The following MMP26 variants were observed in gnomAD, a reference collection of about 807,000 sequenced individuals.
The protein encoded by MMP26 is matrix metallopeptidase 26.
A neutral mutation model predicts 31.0 loss-of-function variants in MMP26; 33 were observed. The ratio of observed to expected loss-of-function variants is 1.06; its 90% CI spans 0.81 to 1.42. The LOEUF (loss-of-function observed/expected upper bound fraction) is 1.42. Among genes scored for constraint, MMP26 ranks in the 40% most tolerant of loss-of-function variants. The pLI is 0.00. For synonymous variants in MMP26, 122 were observed against 114.9 expected (o/e 1.06, Z -0.40); for missense variants, 347 against 316.1 (o/e 1.10, Z -0.74).
intron 2 of MMP26, chr11:4,848,676 A>C (rs7117260): frequency 0.59 from 956,966 of 1,613,648 alleles, 294,163 homozygotes; most frequent in Middle Eastern, 0.71. Flanking sequence ...GACCTGTGGG[A>C]GGCAGTAGGG....
At chr11:4,821,812 C>G in intron 2 of MMP26, 1 of 1,612,826 alleles carries the variant, frequency 6.2e-7, no homozygotes, top group Non-Finnish European at 8.5e-7. Flanking sequence ...CATCTGTTAC[C>G]CACTGAGATA....
chr11:4,912,954 A>G (rs1203322918), intron 2 of MMP26: 1 of 148,782 alleles, frequency 6.7e-6, no homozygotes, highest in Non-Finnish European at 1.5e-5. Context: ...GAAAAGAAAA[A>G]AAAAACAAGC....
At chr11:4,742,006 C>T (rs1848318320) in intron 1 of MMP26, among the ~76,000 whole-genome samples, 1 of 152,140 alleles carries the variant, frequency 6.6e-6, no homozygotes, top group Non-Finnish European at 1.5e-5. Context: ...AAACTAGAGC[C>T]AGCAAGAGGG....
intron 2 of MMP26, chr11:4,822,066 C>T: frequency 6.2e-7 from 1 of 1,613,654 alleles, no homozygotes; most frequent in Non-Finnish European, 8.5e-7. Context: ...ACTGCCCTTG[C>T]ATCCTGCTCT....
At chr11:4,799,963 G>A (rs1849159544) in intron 2 of MMP26, among the ~76,000 whole-genome samples, 1 of 152,214 alleles carries the variant, frequency 6.6e-6, no homozygotes, top group South Asian at 2.1e-4. Flanking sequence ...GTCCACCCCT[G>A]TAGCTTTGCA....
intron 2 of MMP26, chr11:4,804,728 T>C (rs578123866): frequency 3.4e-4 from 128 of 382,048 alleles, no homozygotes; most frequent in Non-Finnish European, 5.8e-4. Context: ...GCAGATTGCT[T>C]GAGGTCAGGA....
intron 2 of MMP26, among the ~76,000 whole-genome samples, chr11:4,826,192 A>G (rs1849575777): frequency 6.6e-6 from 1 of 152,088 alleles, no homozygotes; most frequent in South Asian, 2.1e-4. Context: ...GCCAAGCCCC[A>G]GAACTCTCTA....
chr11:4,716,233 G>A (rs565347668), intron 1 of MMP26, among the ~76,000 whole-genome samples: 148 of 152,220 alleles, frequency 9.7e-4, no homozygotes, highest in Non-Finnish European at 1.7e-3. Context: ...AATTTCAACC[G>A]TGCGAGATCC....
intron 3 of MMP26, 118 bp from the exon 4 acceptor site, chr11:4,989,530 G>C (rs943680975): frequency 3.8e-5 from 27 of 714,148 alleles, no homozygotes; most frequent in Non-Finnish European, 5.1e-5. Context: ...AGGAGACTTA[G>C]GAAGGCCAGA....
chr11:4,747,220 T>C (rs765324164), intron 1 of MMP26, among the ~76,000 whole-genome samples: 1 of 152,122 alleles, frequency 6.6e-6, no homozygotes, highest in African/African-American at 2.4e-5. Flanking sequence ...AATTAGCCAG[T>C]AGGGTTTGAA....
chr11:4,931,523 T>C (rs939003581), intron 2 of MMP26, among the ~76,000 whole-genome samples: 1 of 152,060 alleles, frequency 6.6e-6, no homozygotes, highest in Non-Finnish European at 1.5e-5. Context: ...TAGAGAGATT[T>C]ATATTATGAA....
At chr11:4,800,489 T>G (rs369622951) in intron 2 of MMP26, among the ~76,000 whole-genome samples, 39 of 152,336 alleles carry the variant, frequency 2.6e-4, no homozygotes, top group African/African-American at 9.1e-4. Context: ...CATTTTTTTC[T>G]TCCTGGGCCT....
intron 2 of MMP26, among the ~76,000 whole-genome samples, chr11:4,862,663 T>G (rs1850179482): frequency 6.6e-6 from 1 of 152,166 alleles, no homozygotes; most frequent in South Asian, 2.1e-4. Context: ...AGATCAGGCA[T>G]GCAAGAACAA....
At chr11:4,856,167 T>C (rs1850049256) in intron 2 of MMP26, among the ~76,000 whole-genome samples, 1 of 152,098 alleles carries the variant, frequency 6.6e-6, no homozygotes, top group Non-Finnish European at 1.5e-5. Flanking sequence ...CATCAACTAA[T>C]GAGCAAAATA....
intron 1 of MMP26, among the ~76,000 whole-genome samples, chr11:4,742,721 G>A (rs1184602093): frequency 6.6e-6 from 1 of 152,122 alleles, no homozygotes; most frequent in Non-Finnish European, 1.5e-5. Flanking sequence ...GAACCAAAGG[G>A]CTAACTTAGA....
intron 1 of MMP26, among the ~76,000 whole-genome samples, chr11:4,738,718 C>G (rs1203525884): frequency 6.6e-6 from 1 of 152,044 alleles, no homozygotes; most frequent in Non-Finnish European, 1.5e-5. Flanking sequence ...CAGTATTCAT[C>G]TCTTCATTTT....
chr11:4,813,011 G>A (rs10836705), intron 2 of MMP26, among the ~76,000 whole-genome samples: 91,718 of 148,432 alleles, frequency 0.62, 28,897 homozygotes, highest in Middle Eastern at 0.75. Context: ...GTGTGTGTGT[G>A]TATGTATATA....
At chr11:4,865,742 A>G (rs959530069) in intron 2 of MMP26, among the ~76,000 whole-genome samples, 1 of 152,098 alleles carries the variant, frequency 6.6e-6, no homozygotes, top group Non-Finnish European at 1.5e-5. Flanking sequence ...CTCGACTTCA[A>G]GTGGAAAGAA....
intron 1 of MMP26, among the ~76,000 whole-genome samples, chr11:4,726,546 T>C (rs538291603): frequency 5.3e-4 from 80 of 152,216 alleles, no homozygotes; most frequent in African/African-American, 1.8e-3. Flanking sequence ...TAGTAAGATA[T>C]GAGTGTGTGA....
Sources: gnomAD v4.1 joint callset for allele counts (sites outside exome capture counted in the v4.1 genomes callset) on GRCh38, gnomAD v4.1.1 for gene constraint, MANE v1.5 for transcripts, NCBI Gene and HGNC (gene_info 2026-07-23, HGNC 2026-07-21) for gene names.